Variants in NDST4 observed in about 807,000 individuals in gnomAD.
NDST4 encodes the protein N-heparan sulfate sulfotransferase 4.
A neutral mutation model predicts 100.8 loss-of-function variants in NDST4; 63 were observed. The observed-to-expected ratio is 0.62, with a 90% confidence interval of 0.51 to 0.77. The LOEUF (loss-of-function observed/expected upper bound fraction) is 0.77. NDST4 is among the 30% of genes least tolerant of loss of function. NDST4 has a pLI of 0.00. For synonymous variants in NDST4, 377 were observed against 361.8 expected (o/e 1.04, Z -0.48); for missense variants, 943 against 1,018.4 (o/e 0.93, Z 1.01).
chr4:114,936,612 A>G (rs974894818), intron 5 of NDST4, among the ~76,000 whole-genome samples: 1 of 152,200 alleles, frequency 6.6e-6, no homozygotes, highest in African/African-American at 2.4e-5. Context: ...CTTGTTTTAA[A>G]ATAGGCTATT....
At chr4:115,110,953 G>A (rs1259258315) in intron 1 of NDST4, among the ~76,000 whole-genome samples, 1 of 151,974 alleles carries the variant, frequency 6.6e-6, no homozygotes, top group Non-Finnish European at 1.5e-5. Flanking sequence ...TTCCAGCCAG[G>A]GCTGATATTC....
Position 114,932,741 on chromosome 4 carries a change from T to C in NDST4, c.1536+2465A>G, listed in dbSNP as rs577405773. ...AAAAAAGATCCCATTTACAACAGCA[T>C]CAAAAAAATACTTAGGAATAAATGT... On this transcript the variant is annotated intron_variant, in intron 6 of 13. Coordinates refer to ENST00000264363, the MANE Select transcript of NDST4 (RefSeq NM_022569.3). Among the ~76,000 whole-genome samples the C allele has an allele frequency of 3.6e-3, 542 of 151,924 alleles. 4 individuals carry two copies. Among genetic ancestry groups the C allele is most frequent in the African/African-American group, 0.012 (493 of 41,538 alleles).
intron 2 of NDST4, among the ~76,000 whole-genome samples, chr4:115,013,229 C>G (rs1008942136): frequency 3.3e-5 from 5 of 150,058 alleles, no homozygotes; most frequent in African/African-American, 1.2e-4. Context: ...GTTTATAACA[C>G]AAAGAAATGA....
intron 2 of NDST4, among the ~76,000 whole-genome samples, chr4:115,053,838 A>G (rs1252348592): frequency 1.3e-5 from 2 of 152,116 alleles, no homozygotes; most frequent in Non-Finnish European, 2.9e-5. Flanking sequence ...ACCTTCCTGT[A>G]ACAACACAGT....
chr4:115,008,057 T>G (rs6849570), intron 2 of NDST4, among the ~76,000 whole-genome samples: 6,250 of 129,448 alleles, frequency 0.048, 1,772 homozygotes, highest in African/African-American at 0.17. Context: ...GGCCAGTGAG[T>G]TTCTCTGAGG....
At chr4:115,055,778 TA>T (rs1455526042) in intron 2 of NDST4, among the ~76,000 whole-genome samples, 2 of 152,108 alleles carry the variant, frequency 1.3e-5, no homozygotes, top group Non-Finnish European at 1.5e-5. Flanking sequence ...TGGCACCACT[TA>T]AAGGCCAGCA....
chr4:115,061,145 C>T (rs1169794416), intron 2 of NDST4, among the ~76,000 whole-genome samples: 12 of 151,554 alleles, frequency 7.9e-5, no homozygotes, highest in Admixed American at 2.0e-4. Flanking sequence ...GTTAGAATGG[C>T]GAAATAGGAA....
intron 1 of NDST4, among the ~76,000 whole-genome samples, chr4:115,085,115 T>C (rs1023561759): frequency 6.6e-6 from 1 of 152,186 alleles, no homozygotes; most frequent in African/African-American, 2.4e-5. Context: ...ATGTGAGACA[T>C]GGAGTCAAAG....
Position 114,993,370 on chromosome 4 carries a change from G to A in NDST4, c.979-16096C>T, listed in dbSNP as rs115869669. Among the ~76,000 whole-genome samples the A allele has an allele frequency of 3.7e-3, 567 of 151,922 alleles. 6 individuals carry two copies. The highest frequency in any genetic ancestry group is 0.013 in the African/African-American group (531 of 41,514). On this transcript the variant is annotated intron_variant, in intron 2 of 13. Coordinates refer to ENST00000264363, the MANE Select transcript of NDST4 (RefSeq NM_022569.3). ...GAGTAGGCAAAAAACTTACTTGAAC[G>A]TTCCTTCACCTTGTAGCCTTAAAAT...
rs1578504833 is a variant in NDST4 at position 115,077,160 on chromosome 4, A to G, written c.-124T>C. The G allele has an allele frequency of 1.1e-5, 10 of 924,270 alleles. No individual in the cohort carries two copies. In the East Asian group the frequency reaches 2.1e-4, roughly 20 times the overall value. 57.3% of individuals were successfully genotyped at this position (924,270 alleles called of 1,614,324 possible). On this transcript the variant is annotated 5_prime_UTR_variant, in exon 2 of 14. Transcript: ENST00000264363. ...TTCATGTAACCATCGCAAATCATGT[A>G]AAATGTTTGAAGGGAGCACAACTGA...
At chr4:114,831,805 G>A (rs1723207275) in intron 12 of NDST4, among the ~76,000 whole-genome samples, 1 of 152,156 alleles carries the variant, frequency 6.6e-6, no homozygotes, top group Non-Finnish European at 1.5e-5. Context: ...TATGCCTTAA[G>A]TCTAACAAAG....
chr4:115,048,885 C>T (rs1336706330), intron 2 of NDST4, among the ~76,000 whole-genome samples: 1 of 150,888 alleles, frequency 6.6e-6, no homozygotes, highest in Admixed American at 6.6e-5. Flanking sequence ...GTAATCTGCC[C>T]TCCTCGGCCT....
At chr4:115,083,177 A>G (rs1028491051) in intron 1 of NDST4, among the ~76,000 whole-genome samples, 1 of 152,184 alleles carries the variant, frequency 6.6e-6, no homozygotes, top group East Asian at 1.9e-4. Flanking sequence ...TAGGCCAGGC[A>G]TTGTGGCTCA....
At chr4:114,854,430 A>G (rs1442346931) in intron 7 of NDST4, among the ~76,000 whole-genome samples, 1 of 152,182 alleles carries the variant, frequency 6.6e-6, no homozygotes, top group African/African-American at 2.4e-5. Context: ...TAGTGCTGAA[A>G]TAAATGTGGG....
Position 115,113,435 on chromosome 4 carries a change from G to A in NDST4, c.-247+9C>T, listed in dbSNP as rs1729994169. 6.6e-6 allele frequency: 1 copy of A among 151,926 alleles called. No individual in the cohort carries two copies. Among genetic ancestry groups the A allele is most frequent in the African/African-American group, 2.4e-5 (1 of 41,400 alleles). The allele number at this position is 151,926 out of a possible 1,614,324, so 9.4% of individuals were successfully genotyped here. A position where few individuals can be genotyped will look rare whatever the true frequency, so the allele number is the denominator to read the frequency against. On this transcript the variant is annotated intron_variant, in intron 1 of 13. Transcript: ENST00000264363. ...CACCTCGATTTCAGCAAATTAAGCA[G>A]TAACTTACCTAGAGAAGCATTTCAA...
At chr4:114,890,708 G>T (rs941643808) in intron 6 of NDST4, among the ~76,000 whole-genome samples, 10 of 152,038 alleles carry the variant, frequency 6.6e-5, no homozygotes, top group South Asian at 2.1e-4. Flanking sequence ...TGTACTCAAG[G>T]TTAATCCTCT....
At chr4:114,988,136 C>A (rs1363061191) in intron 2 of NDST4, among the ~76,000 whole-genome samples, 1 of 151,744 alleles carries the variant, frequency 6.6e-6, no homozygotes, top group Non-Finnish European at 1.5e-5. Flanking sequence ...TTAGAATTAA[C>A]AATTATAATT....
At chr4:114,919,907 A>G (rs1260793947) in intron 6 of NDST4, among the ~76,000 whole-genome samples, 1 of 152,170 alleles carries the variant, frequency 6.6e-6, no homozygotes, top group Non-Finnish European at 1.5e-5. Context: ...TGATGAATTT[A>G]TTCATTCAAC....
intron 7 of NDST4, among the ~76,000 whole-genome samples, chr4:114,854,808 G>A (rs1173908968): frequency 6.6e-6 from 1 of 152,040 alleles, no homozygotes; most frequent in Non-Finnish European, 1.5e-5. Flanking sequence ...ATGTTAGATT[G>A]CTGAATCACA....
Sources: gnomAD v4.1 joint callset for allele counts (sites outside exome capture counted in the v4.1 genomes callset) on GRCh38, gnomAD v4.1.1 for gene constraint, MANE v1.5 for transcripts, NCBI Gene and HGNC (gene_info 2026-07-23, HGNC 2026-07-21) for gene names.